ARHGAP29: variants seen among roughly 807,000 people sequenced by gnomAD.
ARHGAP29 encodes the protein rho GTPase-activating protein 29.
Under a neutral mutation model 122.6 loss-of-function variants are expected in ARHGAP29, and 43 were observed. That is an observed-to-expected ratio of 0.35 (90% confidence interval 0.27 to 0.45). The LOEUF is 0.45. Among genes scored for constraint, ARHGAP29 ranks in the 20% least tolerant of loss-of-function variants. ARHGAP29 has a pLI of 1.00. For synonymous variants in ARHGAP29, 506 were observed against 497.1 expected (o/e 1.02, Z -0.24); for missense variants, 1,303 against 1,477.2 (o/e 0.88, Z 1.93).
the ARHGAP29 span, among the ~76,000 whole-genome samples, chr1:94,288,346 T>A: frequency 1.4e-4 from 22 of 152,250 alleles, no homozygotes; most frequent in African/African-American, 5.3e-4. Context: ...ATGGGGTTGT[T>A]TGTTTTTTTC....
At chr1:94,193,605 G>A (rs1437699026) in intron 12 of ARHGAP29, 1 of 152,210 alleles carries the variant, frequency 6.6e-6, no homozygotes, top group Non-Finnish European at 1.5e-5. Context: ...GGTATCTCAT[G>A]AGAAACTACG....
At chr1:94,240,786 A>C (rs1311173792), upstream of ARHGAP29, among the ~76,000 whole-genome samples, 1 of 152,158 alleles carries the variant, frequency 6.6e-6, no homozygotes, top group Non-Finnish European at 1.5e-5. Context: ...TATATTCCCC[A>C]AATCTTCCTC....
intron 12 of ARHGAP29, among the ~76,000 whole-genome samples, chr1:94,196,239 G>A (rs1286617127): frequency 2.1e-5 from 3 of 141,798 alleles, no homozygotes; most frequent in African/African-American, 5.1e-5. Context: ...TTTTAGTTTC[G>A]ATTTTTCCGT....
chr1:94,177,931 C>T lies in ARHGAP29; in HGVS notation c.2717G>A (p.Cys906Tyr). ...MCSIGVVDQG[C>Y]FPKPLLSPEE... ...TGGTGATAACAGAGGCTTTGGAAAA[C>T]AGCCTTGATCAACAACACCTATGCT... The change falls in exon 21 of 23, where the codon TGT (cysteine) becomes TAT (tyrosine). Residue 906 changes from cysteine (C) to tyrosine (Y), a missense_variant. Transcript: ENST00000260526. The T allele has an allele frequency of 3.1e-6, 5 of 1,614,106 alleles. No individual in the cohort carries two copies. Among genetic ancestry groups the T allele is most frequent in the Non-Finnish European group, 4.2e-6 (5 of 1,180,016 alleles).
At chr1:94,312,134 A>T in the ARHGAP29 span, among the ~76,000 whole-genome samples, 1 of 152,118 alleles carries the variant, frequency 6.6e-6, no homozygotes. Context: ...AAAAGTTGTT[A>T]TATTTGCTGT....
chr1:94,194,622 G>A (rs1191538860), intron 12 of ARHGAP29: 3 of 152,260 alleles, frequency 2.0e-5, no homozygotes, highest in South Asian at 2.1e-4. Context: ...AGGGTCATGA[G>A]GGCTCCACCT....
rs1410317918 is a variant in ARHGAP29 at position 94,170,737 on chromosome 1, G to A, written c.*3132C>T. Among the ~76,000 whole-genome samples the A allele has an allele frequency of 2.0e-5, 3 of 152,138 alleles. No homozygotes were observed. The highest frequency in any genetic ancestry group is 2.1e-4 in the South Asian group (1 of 4,824). The stretch of plus-strand genomic sequence containing the variant: ...TTTACACGACTGAGTCTTCTAATTC[G>A]TGTACATTATGGAGTACTACATTTA... On this transcript the variant is annotated 3_prime_UTR_variant, in exon 23 of 23. Coordinates refer to ENST00000260526, the MANE Select transcript of ARHGAP29 (RefSeq NM_004815.4).
chr1:94,173,776 A>G lies in ARHGAP29; in HGVS notation c.*93T>C. 7.0e-7 allele frequency: 1 copy of G among 1,437,244 alleles called. No individual in the cohort carries two copies. Among genetic ancestry groups the G allele is most frequent in the South Asian group, 1.4e-5 (1 of 72,458 alleles). The allele number at this position is 1,437,244 out of a possible 1,614,324, so 89.0% of individuals were successfully genotyped here. The stretch of plus-strand genomic sequence containing the variant: ...AACCCATGATTTGGCAGTCCTATAC[A>G]AAAGAGGCCCTGTCAAAACATTCTT... On this transcript the variant is annotated 3_prime_UTR_variant, in exon 23 of 23. Transcript: ENST00000260526.
chr1:94,236,267 C>T (rs1157883589), intron 1 of ARHGAP29, among the ~76,000 whole-genome samples: 1 of 152,192 alleles, frequency 6.6e-6, no homozygotes, highest in Admixed American at 6.5e-5. Flanking sequence ...TTGAACCTAG[C>T]ACGCTTTAAA....
upstream of ARHGAP29, among the ~76,000 whole-genome samples, chr1:94,240,753 C>A (rs1277361063): frequency 1.3e-5 from 2 of 152,136 alleles, no homozygotes; most frequent in Admixed American, 6.5e-5. Flanking sequence ...TTCAAGTCAG[C>A]CATTCGGTGC....
At chr1:94,195,527 A>G (rs1002289322) in intron 12 of ARHGAP29, 1 of 152,212 alleles carries the variant, frequency 6.6e-6, no homozygotes, top group African/African-American at 2.4e-5. Context: ...CCCAGTAGAC[A>G]AATTAAAATA....
chr1:94,201,939 A>AT (rs1650878858), intron 11 of ARHGAP29, 82 bp from the exon 12 acceptor site: 1 of 1,271,194 alleles, frequency 7.9e-7, no homozygotes, highest in Admixed American at 2.8e-5. Flanking sequence ...CTAAGTTGAA[A>AT]TAACTGAAAA....
At chr1:94,290,648 A>G in the ARHGAP29 span, among the ~76,000 whole-genome samples, 1 of 152,340 alleles carries the variant, frequency 6.6e-6, no homozygotes, top group African/African-American at 2.4e-5. Flanking sequence ...GTTTCAAAGA[A>G]CAACTTTATT....
chr1:94,196,256 C>CTTTTTTTTTTTTTT (rs917635883), intron 12 of ARHGAP29, among the ~76,000 whole-genome samples: 4 of 91,146 alleles, frequency 4.4e-5, no homozygotes, highest in Admixed American at 1.6e-4. Flanking sequence ...CCGTGTTTTT[C>CTTTTTTTTTTTTTT]TTTTTTTTTT....
chr1:94,238,348 C>G (rs1653436897), upstream of ARHGAP29, among the ~76,000 whole-genome samples: 1 of 151,992 alleles, frequency 6.6e-6, no homozygotes. Flanking sequence ...GGATTACAAG[C>G]ATGAGCCACT....
intron 1 of ARHGAP29, among the ~76,000 whole-genome samples, chr1:94,246,264 G>A (rs1653790638): frequency 6.6e-6 from 1 of 152,138 alleles, no homozygotes; most frequent in Admixed American, 6.5e-5. Context: ...ACTGCGTAAA[G>A]AAATCACTAC....
chr1:94,205,472 C>G (rs1217629729), intron 6 of ARHGAP29, among the ~76,000 whole-genome samples, 163 bp downstream of exon 6: 2 of 152,130 alleles, frequency 1.3e-5, no homozygotes, highest in Non-Finnish European at 2.9e-5. Context: ...TCTATCTACT[C>G]TAGCAGGTTA....
At chr1:94,302,602 G>C in the ARHGAP29 span, 1 of 389,878 alleles carries the variant, frequency 2.6e-6, no homozygotes, top group South Asian at 2.0e-5. Context: ...GGAAACTGTG[G>C]TGTGATGGCC....
intron 7 of ARHGAP29, among the ~76,000 whole-genome samples, chr1:94,204,712 A>G (rs1199112607): frequency 6.7e-6 from 1 of 150,006 alleles, no homozygotes; most frequent in Non-Finnish European, 1.5e-5. Context: ...ATTAGCTATT[A>G]AAATGTTTCT....
Sources: allele counts gnomAD v4.1 joint callset (sites outside exome capture counted in the v4.1 genomes callset), GRCh38; gene constraint gnomAD v4.1.1; transcripts MANE v1.5; gene names NCBI Gene and HGNC (gene_info 2026-07-23, HGNC 2026-07-21).